The following MTX2 variants were observed in gnomAD, a reference collection of about 807,000 sequenced individuals.
MTX2 encodes metaxin-2.
Under a neutral mutation model 42.3 loss-of-function variants are expected in MTX2, and 35 were observed. The ratio of observed to expected loss-of-function variants is 0.83; its 90% CI spans 0.63 to 1.10. The LOEUF (loss-of-function observed/expected upper bound fraction) is 1.10. Among genes scored for constraint, MTX2 ranks in the 50% least tolerant of loss-of-function variants. The pLI, the probability that MTX2 is intolerant of heterozygous loss-of-function variation, is 0.00. For synonymous variants in MTX2, 119 were observed against 100.9 expected, an observed-to-expected ratio of 1.18 and a Z score of -1.08; for missense variants, 307 against 304.1, an observed-to-expected ratio of 1.01 and a Z score of -0.07.
At position 176,269,469 on chromosome 2, in the gene MTX2, T is replaced by A. The variant is rs562506778; in HGVS notation, c.-161T>A. 131 of 742,108 alleles carry A rather than the reference T, an allele frequency of 1.8e-4. 1 individual carries two copies. The African/African-American group carries it at 2.3e-3, about 13-fold the overall frequency. The allele number at this position is 742,108 out of a possible 1,614,324, so 46.0% of individuals were successfully genotyped here. ...CCCTAGCCAGGCCTGGCGGTAACCTTGGGGGCCTCACTGCAGCCGCCGCTG... is the reference window on the plus strand; with the variant it reads ...CCCTAGCCAGGCCTGGCGGTAACCTAGGGGGCCTCACTGCAGCCGCCGCTG... On this transcript the variant is annotated 5_prime_UTR_variant, in exon 1 of 10. Coordinates refer to ENST00000249442, the MANE Select transcript of MTX2 (RefSeq NM_006554.5).
intron 2 of MTX2, among the ~76,000 whole-genome samples, chr2:176,297,165 G>A (rs1683907911): frequency 6.6e-6 from 1 of 152,262 alleles, no homozygotes; most frequent in South Asian, 2.1e-4. Flanking sequence ...GGTTGCAGGA[G>A]CAGTTGGCAG....
chr2:176,284,231 C>A (rs968211276), intron 1 of MTX2, among the ~76,000 whole-genome samples: 2 of 152,040 alleles, frequency 1.3e-5, no homozygotes, highest in African/African-American at 4.8e-5. Context: ...AGGTGCACAC[C>A]ACCATGTCCA....
chr2:176,269,527 G>C lies in MTX2; in HGVS notation c.-103G>C. On this transcript the variant is annotated 5_prime_UTR_variant, in exon 1 of 10. Transcript: ENST00000249442. Reference sequence around the variant, plus strand: ...AGTGGGCTTTGCGAGTCTGAACGTTGGCGGGGCTAGGCTCGTTAACTGCCG... The same window carrying C: ...AGTGGGCTTTGCGAGTCTGAACGTTCGCGGGGCTAGGCTCGTTAACTGCCG... 7.7e-7 allele frequency: 1 copy of C among 1,301,616 alleles called. No homozygotes were observed. Among genetic ancestry groups the C allele is most frequent in the Non-Finnish European group, 1.0e-6 (1 of 969,664 alleles). 80.6% of individuals were successfully genotyped at this position (1,301,616 alleles called of 1,614,324 possible).
At chr2:176,293,053 G>A (rs1214964070) in intron 1 of MTX2, among the ~76,000 whole-genome samples, 3 of 152,126 alleles carry the variant, frequency 2.0e-5, no homozygotes, top group East Asian at 1.9e-4. Context: ...CTCTAAATAC[G>A]AGTTTAATTT....
At chr2:176,323,154 G>T (rs1450479804) in intron 3 of MTX2, among the ~76,000 whole-genome samples, 1 of 151,606 alleles carries the variant, frequency 6.6e-6, no homozygotes, top group Admixed American at 6.6e-5. Context: ...TATTCCTTAG[G>T]TATACATACA....
At chr2:176,270,282 T>C in intron 1 of MTX2, 1 of 1,190,596 alleles carries the variant, frequency 8.4e-7, no homozygotes, top group Non-Finnish European at 1.1e-6. Flanking sequence ...GCGATTCTCC[T>C]GCCTTAGCCT....
chr2:176,310,411 T>C (rs902893367), intron 3 of MTX2, among the ~76,000 whole-genome samples: 5 of 152,310 alleles, frequency 3.3e-5, no homozygotes, highest in Non-Finnish European at 7.4e-5. Context: ...ATCTTTGTGG[T>C]GTTCTCTGTA....
intron 9 of MTX2, among the ~76,000 whole-genome samples, chr2:176,333,626 G>A (rs1323115454): frequency 6.6e-6 from 1 of 151,666 alleles, no homozygotes; most frequent in Non-Finnish European, 1.5e-5. Flanking sequence ...AGGTTAGTGT[G>A]TGTGGATATA....
intron 3 of MTX2, among the ~76,000 whole-genome samples, chr2:176,299,657 A>T (rs769131253): frequency 7.9e-5 from 12 of 152,100 alleles, no homozygotes; most frequent in Non-Finnish European, 1.6e-4. Flanking sequence ...AGCCATGACT[A>T]TAAATGTGAC....
intron 8 of MTX2, among the ~76,000 whole-genome samples, 199 bp from the exon 9 acceptor site, chr2:176,330,385 A>G (rs1684831852): frequency 6.7e-6 from 1 of 149,720 alleles, no homozygotes; most frequent in South Asian, 2.1e-4. Context: ...TTTCTTATAT[A>G]GAAAGTATTT....
intron 3 of MTX2, among the ~76,000 whole-genome samples, chr2:176,316,537 G>T (rs1483392420): frequency 6.6e-6 from 1 of 152,142 alleles, no homozygotes; most frequent in Non-Finnish European, 1.5e-5. Context: ...AAGTAGCTGG[G>T]ACTACAGGCA....
chr2:176,330,643 G>A lies in MTX2; in HGVS notation c.603G>A (p.Pro201=), dbSNP rs554448766. 2.8e-5 allele frequency: 44 copies of A among 1,589,950 alleles called. No homozygotes were observed. Among genetic ancestry groups the A allele is most frequent in the Middle Eastern group, 1.7e-4 (1 of 5,754 alleles). ...QALSQRLGTQ[P]YFFNKQPTEL... ...TCTCTCAAAGACTGGGAACACAACC[G>A]TATTTCTTCAATAAGCAGTAAGAAA... is the stretch of plus-strand genomic sequence containing the variant. Residue 201 remains proline (P), a synonymous_variant, in exon 9 of 10, where the codon CCG becomes CCA. Transcript: ENST00000249442.
intron 1 of MTX2, among the ~76,000 whole-genome samples, chr2:176,285,236 T>C (rs781185272): frequency 1.3e-5 from 2 of 152,126 alleles, no homozygotes; most frequent in Admixed American, 6.6e-5. Flanking sequence ...ATAATAATAG[T>C]GTCTACCTCA....
chr2:176,282,425 A>G (rs914416974), intron 1 of MTX2, among the ~76,000 whole-genome samples: 3 of 151,980 alleles, frequency 2.0e-5, no homozygotes, highest in East Asian at 3.9e-4. Flanking sequence ...CTCAAACTGC[A>G]TTAGGGATGT....
intron 3 of MTX2, among the ~76,000 whole-genome samples, chr2:176,304,088 C>A (rs1684089390): frequency 1.3e-5 from 2 of 151,972 alleles, no homozygotes; most frequent in South Asian, 4.1e-4. Flanking sequence ...CATAATCAAT[C>A]TAGCAGCATT....
intron 3 of MTX2, among the ~76,000 whole-genome samples, chr2:176,312,462 A>G (rs1247915676): frequency 2.0e-5 from 3 of 152,202 alleles, no homozygotes. Context: ...ATTATTCACA[A>G]ACCTCTATAT....
chr2:176,306,245 C>T (rs1684141559), intron 3 of MTX2, among the ~76,000 whole-genome samples: 2 of 152,170 alleles, frequency 1.3e-5, no homozygotes, highest in South Asian at 2.1e-4. Flanking sequence ...ATGAATTCAT[C>T]CTTTTTTATG....
chr2:176,320,656 T>C (rs1177573296), intron 3 of MTX2, among the ~76,000 whole-genome samples: 1 of 151,890 alleles, frequency 6.6e-6, no homozygotes, highest in African/African-American at 2.4e-5. Context: ...AAAACAGATC[T>C]CTCCAGCTAA....
chr2:176,298,334 T>G (rs1683940888), intron 3 of MTX2, among the ~76,000 whole-genome samples: 1 of 152,100 alleles, frequency 6.6e-6, no homozygotes, highest in Non-Finnish European at 1.5e-5. Context: ...TTAATCTGTT[T>G]GGTAATCCTG....
Sources: allele counts gnomAD v4.1 joint callset (sites outside exome capture counted in the v4.1 genomes callset), GRCh38; gene constraint gnomAD v4.1.1; transcripts MANE v1.5; gene names NCBI Gene and HGNC (gene_info 2026-07-23, HGNC 2026-07-21).